PLXNB1: variants seen among roughly 807,000 people sequenced by gnomAD.
PLXNB1 encodes the protein plexin B1, also known as plexin-B1.
In PLXNB1, 106 loss-of-function variants were observed where a neutral mutation model predicts 209.4. The ratio of observed to expected loss-of-function variants is 0.51; its 90% confidence interval spans 0.43 to 0.59. The LOEUF (loss-of-function observed/expected upper bound fraction) is 0.59, where lower values mean the gene tolerates loss of function less well. PLXNB1 is among the 20% of genes least tolerant of loss of function. The probability of loss-of-function intolerance (pLI) is 0.00; values close to 1 mark genes in which losing one functional copy is unlikely to be tolerated. For synonymous variants in PLXNB1, 1,167 were observed against 1,183.2 expected (o/e 0.99, Z 0.28); for missense variants, 2,357 against 2,853.2 (o/e 0.83, Z 3.96).
In PLXNB1 at chr3:48,410,158, G is replaced by A; in HGVS notation, c.5606-81C>T. On this transcript the variant is annotated intron_variant, in intron 31 of 37. Coordinates refer to ENST00000296440, the MANE Select transcript of PLXNB1 (RefSeq NM_001130082.3). The surrounding 1 kb of genome is among the most constrained non-coding windows in gnomAD (Gnocchi z 6.4). ...CCTGTTTCTTGCCAGCTCTCCCAGG[G>A]GTGGGGGCACCTGGTTGAGGGATTT... The A allele has an allele frequency of 1.3e-6, 2 of 1,489,518 alleles. No individual in the cohort carries two copies. Among genetic ancestry groups the A allele is most frequent in the African/African-American group, 1.4e-5 (1 of 71,596 alleles). 92.3% of individuals were successfully genotyped at this position (1,489,518 alleles called of 1,614,324 possible). A position where few individuals can be genotyped will look rare whatever the true frequency, so the allele number is the denominator to read the frequency against.
At chr3:48,420,977 C>T in intron 8 of PLXNB1, 21 bp from the exon 9 acceptor site, 1 of 1,590,882 alleles carries the variant, frequency 6.3e-7, no homozygotes, top group African/African-American at 1.3e-5. Context: ...GGAGAGAGGG[C>T]CAGGGTTAAG....
rs138341318 is a variant in PLXNB1 at position 48,410,013 on chromosome 3, A to G, written c.5670T>C (p.Ser1890=). The change falls in exon 32 of 38, where the codon AGT becomes AGC. Residue 1890 remains serine (S), a synonymous_variant. Transcript: ENST00000296440. This position sits in a 1 kb window ranked among gnomAD's most constrained non-coding sequence, Gnocchi z 6.4. ...GIRPWHLVKP[S]DEPEPPRPRR... ...GAGGCCTGGGCGGCTCCGGCTCATC[A>G]CTTGGCTTCACCAGGTGCCAGGGCC... The G allele has an allele frequency of 3.2e-5, 52 of 1,612,452 alleles. No homozygotes were observed. The African/African-American group carries it at 6.1e-4, about 19-fold the overall frequency.
intron 34 of PLXNB1, among the ~76,000 whole-genome samples, chr3:48,407,607 T>C (rs1314775746): frequency 1.3e-5 from 2 of 152,208 alleles, no homozygotes; most frequent in African/African-American, 4.8e-5. Context: ...CTGGGCAGCA[T>C]ACTTCTATTC....
At position 48,413,069 on chromosome 3, in the gene PLXNB1, C is replaced by A; in HGVS notation, c.4636G>T (p.Asp1546Tyr). The change falls in exon 24 of 38, where the codon GAC (aspartate) becomes TAC (tyrosine). Residue 1546 changes from aspartate (D) to tyrosine (Y), a missense_variant and splice_region_variant. Asp to Tyr is a radical substitution (Grantham distance 160, BLOSUM62 -3). Transcript: ENST00000296440. This position sits in a 1 kb window ranked among gnomAD's most constrained non-coding sequence, Gnocchi z 5.4. ...GCGGGGCCCATTCTCTCAGCCACACCTGTGAATTCCTTCTTGCAGCGGTCC... is the reference window on the plus strand; with the variant it reads ...GCGGGGCCCATTCTCTCAGCCACACATGTGAATTCCTTCTTGCAGCGGTCC... Reference protein sequence around the residue: ...VRDRCKKEFTDLMTEMTDLTS... With the variant: ...VRDRCKKEFTYLMTEMTDLTS... The A allele has an allele frequency of 6.2e-7, 1 of 1,613,458 alleles. No homozygotes were observed. Among genetic ancestry groups the A allele is most frequent in the African/African-American group, 1.3e-5 (1 of 75,032 alleles).
In PLXNB1 at chr3:48,415,493, C is replaced by T; in HGVS notation, c.3794+90G>A. The T allele has an allele frequency of 7.0e-7, 1 of 1,430,490 alleles. No individual in the cohort carries two copies. The highest frequency in any genetic ancestry group is 9.5e-7 in the Non-Finnish European group (1 of 1,054,042). The allele number at this position is 1,430,490 out of a possible 1,614,324, so 88.6% of individuals were successfully genotyped here. On this transcript the variant is annotated intron_variant, in intron 19 of 37. Transcript: ENST00000296440. This position sits in a 1 kb window ranked among gnomAD's most constrained non-coding sequence, Gnocchi z 5.0. ...TACTAGCAGCATGGGATTCTCAGTG[C>T]CTCAACATAAAGCCCTACAAACCCC...
Position 48,416,246 on chromosome 3 carries a change from C to G in PLXNB1, c.3481-79G>C, listed in dbSNP as rs551315800. The G allele has an allele frequency of 9.7e-6, 15 of 1,553,308 alleles. No homozygotes were observed. In the East Asian group the frequency reaches 3.2e-4, roughly 33 times the overall value. ...GGACAGCCTGAGAGACAGGCTGGCC[C>G]AGGACTGGGAGCCCCACCAAGGAAT... On this transcript the variant is annotated intron_variant, in intron 17 of 37. Coordinates refer to ENST00000296440, the MANE Select transcript of PLXNB1 (RefSeq NM_001130082.3). This position sits in a 1 kb window ranked among gnomAD's most constrained non-coding sequence, Gnocchi z 4.1.
In PLXNB1 at chr3:48,409,881, A is replaced by G. The variant is rs767604167; in HGVS notation, c.5778+24T>C. The G allele has an allele frequency of 1.9e-6, 3 of 1,562,058 alleles. No homozygotes were observed. Among genetic ancestry groups the G allele is most frequent in the East Asian group, 4.7e-5 (2 of 43,006 alleles). On this transcript the variant is annotated intron_variant, in intron 32 of 37. Coordinates refer to ENST00000296440, the MANE Select transcript of PLXNB1 (RefSeq NM_001130082.3). The surrounding 1 kb of genome is among the most constrained non-coding windows in gnomAD (Gnocchi z 5.8). The stretch of plus-strand genomic sequence containing the variant: ...CATGCTCCCTCTCAGCCCAGGCCCC[A>G]CTACCTTGGCAGCCCCACCCCACCT...
rs1180340390 is a variant in PLXNB1, at chr3:48,404,149, A to G, written c.*337T>C. 2 of 248,034 alleles carry G rather than the reference A, an allele frequency of 8.1e-6. No individual in the cohort carries two copies. Among genetic ancestry groups the G allele is most frequent in the Non-Finnish European group, 7.7e-6 (1 of 129,360 alleles). 15.4% of individuals were successfully genotyped at this position (248,034 alleles called of 1,614,324 possible). A position where few individuals can be genotyped will look rare whatever the true frequency, so the allele number is the denominator to read the frequency against. On this transcript the variant is annotated 3_prime_UTR_variant, in exon 38 of 38. Transcript: ENST00000296440. ...TTCCTCTCCGAATCCCAGTGTGGCC[A>G]AGGCCAGTGTTCAGGAACAGTACAG...
intron 34 of PLXNB1, among the ~76,000 whole-genome samples, 169 bp from the exon 35 acceptor site, chr3:48,407,260 C>T (rs1419291306): frequency 2.0e-5 from 3 of 152,098 alleles, no homozygotes; most frequent in South Asian, 2.1e-4. Flanking sequence ...TGGTCACCCT[C>T]GCCTACTTCC....
chr3:48,426,080 G>A (rs1019920989), intron 1 of PLXNB1, among the ~76,000 whole-genome samples: 6 of 152,110 alleles, frequency 3.9e-5, no homozygotes, highest in African/African-American at 1.4e-4. Flanking sequence ...GGAGCCCTAC[G>A]TACTAGAGAG....
chr3:48,415,850 G>A lies in PLXNB1; in HGVS notation c.3618-91C>T. The A allele has an allele frequency of 7.2e-7, 1 of 1,382,096 alleles. No homozygotes were observed. The highest frequency in any genetic ancestry group is 2.5e-5 in the East Asian group (1 of 39,718). The allele number at this position is 1,382,096 out of a possible 1,614,324, so 85.6% of individuals were successfully genotyped here. ...AACTGGCTTCCCTCAAGCGCTGACT[G>A]CAGTCTCCACCAGGTGTCCCTGGAG... On this transcript the variant is annotated intron_variant, in intron 18 of 37. Transcript: ENST00000296440. The surrounding 1 kb of genome is among the most constrained non-coding windows in gnomAD (Gnocchi z 5.0).
Position 48,406,794 on chromosome 3 carries a change from C to A in PLXNB1, c.6228+29G>T. On this transcript the variant is annotated intron_variant, in intron 36 of 37. Transcript: ENST00000296440. The surrounding 1 kb of genome is among the most constrained non-coding windows in gnomAD (Gnocchi z 4.4). ...GACCGTTGTGGCAGGAGGCCTATGC[C>A]CAACCCAAGAAGCAGAGGGAGGCCT... The A allele has an allele frequency of 6.4e-7, 1 of 1,571,310 alleles. No homozygotes were observed. Among genetic ancestry groups the A allele is most frequent in the Non-Finnish European group, 8.6e-7 (1 of 1,159,084 alleles).
Position 48,404,593 on chromosome 3 carries a change from G to C in PLXNB1, c.6304-3C>G. 6.2e-7 allele frequency: 1 copy of C among 1,600,868 alleles called. No individual in the cohort carries two copies. Among genetic ancestry groups the C allele is most frequent in the Non-Finnish European group, 8.5e-7 (1 of 1,169,910 alleles). ...TCCTCCTCCAGGGCAGTGATGATCT[G>C]AAACAGAGACCAATGCCATCAGGGG... On this transcript the variant is annotated splice_region_variant and splice_polypyrimidine_tract_variant and intron_variant, in intron 37 of 37. Coordinates refer to ENST00000296440, the MANE Select transcript of PLXNB1 (RefSeq NM_001130082.3).
Position 48,406,785 on chromosome 3 carries a change from G to A in PLXNB1, c.6228+38C>T. On this transcript the variant is annotated intron_variant, in intron 36 of 37. Transcript: ENST00000296440. The surrounding 1 kb of genome is among the most constrained non-coding windows in gnomAD (Gnocchi z 4.4). ...AGGGGGAAGGACCGTTGTGGCAGGA[G>A]GCCTATGCCCAACCCAAGAAGCAGA... 6 of 1,556,046 alleles carry A rather than the reference G, an allele frequency of 3.9e-6. No homozygotes were observed. The highest frequency in any genetic ancestry group is 5.2e-6 in the Non-Finnish European group (6 of 1,150,612).
At position 48,414,896 on chromosome 3, in the gene PLXNB1, G is replaced by A; in HGVS notation, c.4112C>T (p.Pro1371Leu). 1 of 1,614,074 alleles carries A rather than the reference G, an allele frequency of 6.2e-7. No homozygotes were observed. Among genetic ancestry groups the A allele is most frequent in the Non-Finnish European group, 8.5e-7 (1 of 1,180,038 alleles). The change falls in exon 21 of 38, where the codon CCT (proline) becomes CTT (leucine). Residue 1371 changes from proline (P) to leucine (L), a missense_variant. By Grantham distance (98) the Pro-to-Leu change is moderately conservative (BLOSUM62 -3). Coordinates refer to ENST00000296440, the MANE Select transcript of PLXNB1 (RefSeq NM_001130082.3). ...VFDFATLNPT[P>L]FSYEADPTLQ... ...GGTGGGGTCGGCCTCATAGGAGAAA[G>A]GTGTGGGGTTCAGTGTTGCAAAGTC...
In PLXNB1 at chr3:48,411,684, A is replaced by G. The variant is rs2037693275; in HGVS notation, c.5247+179T>C. ...GGCCTTATCATCAAAGTCTGCCCTAAACTGCTATCCTGCTAAGCTAGTCTG... is the reference window on the plus strand; with the variant it reads ...GGCCTTATCATCAAAGTCTGCCCTAGACTGCTATCCTGCTAAGCTAGTCTG... On this transcript the variant is annotated intron_variant, in intron 28 of 37. Coordinates refer to ENST00000296440, the MANE Select transcript of PLXNB1 (RefSeq NM_001130082.3). This position sits in a 1 kb window ranked among gnomAD's most constrained non-coding sequence, Gnocchi z 4.0. Among the ~76,000 whole-genome samples the G allele has an allele frequency of 6.6e-6, 1 of 152,128 alleles. No individual in the cohort carries two copies. Among genetic ancestry groups the G allele is most frequent in the Non-Finnish European group, 1.5e-5 (1 of 68,036 alleles).
intron 34 of PLXNB1, among the ~76,000 whole-genome samples, chr3:48,408,952 C>T (rs1370301698): frequency 6.6e-6 from 1 of 152,212 alleles, no homozygotes; most frequent in African/African-American, 2.4e-5. Context: ...TGCACAGCAG[C>T]CACAATGTTC....
Position 48,410,924 on chromosome 3 carries a change from T to C in PLXNB1, c.5360A>G (p.Gln1787Arg). The C allele has an allele frequency of 3.7e-6, 6 of 1,613,776 alleles. No individual in the cohort carries two copies. The highest frequency in any genetic ancestry group is 1.1e-5 in the South Asian group (1 of 91,008). Reference protein sequence around the residue: ...ISQAKEKMLDQLYKGVPLTQR... With the variant: ...ISQAKEKMLDRLYKGVPLTQR... ...GGTGAGAGGCACTCCTTTATAAAGCTGGTCCAGCATCTTCTCCTTTGCCTG... is the reference window on the plus strand; with the variant it reads ...GGTGAGAGGCACTCCTTTATAAAGCCGGTCCAGCATCTTCTCCTTTGCCTG... The change falls in exon 29 of 38, where the codon CAG becomes CGG. Residue 1787 changes from glutamine to arginine, a missense_variant. Physicochemically the swap from Gln to Arg is conservative, Grantham distance 43 (BLOSUM62 1). This residue lies in a region of PLXNB1 where 414 missense variants were observed against 520.5 expected (regional missense o/e 0.80). Transcript: ENST00000296440. This position sits in a 1 kb window ranked among gnomAD's most constrained non-coding sequence, Gnocchi z 6.4.
In PLXNB1 at chr3:48,418,627, C is replaced by T. The variant is rs968387877; in HGVS notation, c.2956-85G>A. 3.0e-5 allele frequency: 36 copies of T among 1,202,878 alleles called. No individual in the cohort carries two copies. The highest frequency in any genetic ancestry group is 4.5e-5 in the African/African-American group (3 of 66,448). The allele number at this position is 1,202,878 out of a possible 1,614,324, so 74.5% of individuals were successfully genotyped here. On this transcript the variant is annotated intron_variant, in intron 13 of 37. Coordinates refer to ENST00000296440, the MANE Select transcript of PLXNB1 (RefSeq NM_001130082.3). The surrounding 1 kb of genome is among the most constrained non-coding windows in gnomAD (Gnocchi z 6.6). ...GGGTTAGTCAGAGAAAGGACTAAAA[C>T]GACCAGTTAGGAGCATAGGGTCAGA...
Sources: allele counts gnomAD v4.1 joint callset (sites outside exome capture counted in the v4.1 genomes callset), GRCh38; gene constraint gnomAD v4.1.1; regional missense constraint gnomAD v4.1.1; non-coding constraint Gnocchi (gnomAD v3.1); transcripts MANE v1.5; gene names NCBI Gene and HGNC (gene_info 2026-07-23, HGNC 2026-07-21).